Variants in CHD1L observed in about 807,000 individuals in gnomAD.
The protein encoded by CHD1L is ATP-dependent chromatin remodeler CHD1L.
Under a neutral mutation model 115.9 loss-of-function variants are expected in CHD1L, and 118 were observed. That is an observed-to-expected ratio of 1.02 (90% confidence interval 0.88 to 1.19). The LOEUF (loss-of-function observed/expected upper bound fraction) is 1.19, where lower values mean the gene tolerates loss of function less well. Ranked by LOEUF, CHD1L falls within the 50% of genes most tolerant of loss-of-function variation. The pLI is 0.00. For missense variants in CHD1L, 1,179 were observed against 1,065.3 expected (o/e 1.11, Z -1.49); for synonymous variants, 411 against 387.1 (o/e 1.06, Z -0.72).
rs200638814 is a variant in CHD1L, at chr1:147,267,445, G to A, written c.915G>A (p.Thr305=). 12 of 1,611,636 alleles carry A rather than the reference G, an allele frequency of 7.4e-6. No individual in the cohort carries two copies. Among genetic ancestry groups the A allele is most frequent in the East Asian group, 4.5e-5 (2 of 44,782 alleles). The change falls in exon 9 of 23, where the codon ACG becomes ACA. Residue 305 remains threonine (T), a synonymous_variant. Transcript: ENST00000369258. ...MKDLDAFENE[T]AKKVKLQNIL... ...TTTCAGATGCATTTGAAAATGAGAC[G>A]GCAAAGAAAGTTAAACTACAGAACA...
At chr1:147,275,188 C>T (rs374992579) in intron 12 of CHD1L, among the ~76,000 whole-genome samples, 166 bp from the exon 13 acceptor site, 2 of 152,158 alleles carry the variant, frequency 1.3e-5, no homozygotes, top group Admixed American at 6.5e-5. Flanking sequence ...CACTTCTCAC[C>T]GCTGGAACAA....
intron 19 of CHD1L, among the ~76,000 whole-genome samples, chr1:147,289,663 G>C (rs1384141883): frequency 1.3e-5 from 2 of 152,190 alleles, no homozygotes; most frequent in Non-Finnish European, 2.9e-5. Flanking sequence ...GCCTGGAAAG[G>C]TGGGTTGAAT....
chr1:147,182,900 A>G, the CHD1L span, among the ~76,000 whole-genome samples: 5 of 152,208 alleles, frequency 3.3e-5, no homozygotes, highest in African/African-American at 1.2e-4. Context: ...ACAACTAAAC[A>G]TTAAAGATAA....
At position 147,280,039 on chromosome 1, in the gene CHD1L, TCAAA is replaced by T; in HGVS notation, c.1554_1557del (p.Lys519LeufsTer17). 1.2e-6 allele frequency: 2 copies of T among 1,613,946 alleles called. No homozygotes were observed. The highest frequency in any genetic ancestry group is 1.7e-6 in the Non-Finnish European group (2 of 1,180,004). ...CCTCTATTCAAGTTGAGTGAGATAC[TCAAA>T]TTTGGTTTGGATAAACTGCTGGCCT... On this transcript the variant is annotated frameshift_variant, in exon 15 of 23. Transcript: ENST00000369258. LOFTEE classifies it high-confidence loss of function.
chr1:147,275,466 CAAGTA>C lies in CHD1L; in HGVS notation c.1385_1385+4del. The C allele has an allele frequency of 6.2e-7, 1 of 1,612,616 alleles. No individual in the cohort carries two copies. Among genetic ancestry groups the C allele is most frequent in the Non-Finnish European group, 8.5e-7 (1 of 1,178,680 alleles). ...CCAGGGCTCATCGCATTGGCCAAAA[CAAGTA>C]AGTGATTTTTTTCTGCTTCCTTGGC... On this transcript the variant is annotated splice_donor_variant and splice_donor_region_variant and coding_sequence_variant and intron_variant, in exon 13 of 23. Transcript: ENST00000369258. LOFTEE classifies it high-confidence loss of function.
chr1:147,242,468 C>T (rs1180405218), upstream of CHD1L, among the ~76,000 whole-genome samples: 17 of 152,358 alleles, frequency 1.1e-4, no homozygotes, highest in African/African-American at 2.2e-4. Flanking sequence ...ACGCCTAGCG[C>T]TTCAGAAGCA....
chr1:147,194,359 G>A, the CHD1L span, among the ~76,000 whole-genome samples: 1 of 152,098 alleles, frequency 6.6e-6, no homozygotes, highest in East Asian at 1.9e-4. Flanking sequence ...CGATTTGCTT[G>A]GTAGATCTTC....
chr1:147,281,776 T>A (rs1429965895), intron 15 of CHD1L, among the ~76,000 whole-genome samples: 2 of 151,872 alleles, frequency 1.3e-5, no homozygotes, highest in Non-Finnish European at 2.9e-5. Flanking sequence ...CATTGACTTT[T>A]ACTTCTACTT....
At chr1:147,289,789 G>A (rs182972155) in intron 19 of CHD1L, among the ~76,000 whole-genome samples, 264 of 152,360 alleles carry the variant, frequency 1.7e-3, no homozygotes, top group Admixed American at 2.9e-3. Flanking sequence ...TTTGTGTGGA[G>A]GATGGCGTAC....
the CHD1L span, chr1:147,208,955 A>C: frequency 1.5e-5 from 25 of 1,613,808 alleles, no homozygotes; most frequent in Non-Finnish European, 2.1e-5. Flanking sequence ...TTCCATATAA[A>C]ATGTGTAAGT....
At position 147,255,890 on chromosome 1, in the gene CHD1L, A is replaced by G; in HGVS notation, c.425A>G (p.Gln142Arg). The change falls in exon 4 of 23, where the codon CAG becomes CGG. Residue 142 changes from glutamine to arginine, a missense_variant. Coordinates refer to ENST00000369258, the MANE Select transcript of CHD1L (RefSeq NM_004284.6). ...ERACLQQDLK[Q>R]ESRFHVLLTT... ...GCCTGCCTTCAGCAAGACCTGAAAC[A>G]GGAGTCACGTTTTCATGTGCTACTG... 1 of 1,613,888 alleles carries G rather than the reference A, an allele frequency of 6.2e-7. No homozygotes were observed. Among genetic ancestry groups the G allele is most frequent in the East Asian group, 2.2e-5 (1 of 44,880 alleles).
At chr1:147,265,145 T>TA (rs782227826) in intron 7 of CHD1L, among the ~76,000 whole-genome samples, 1 of 152,112 alleles carries the variant, frequency 6.6e-6, no homozygotes, top group Non-Finnish European at 1.5e-5. Context: ...TCAAAACAGG[T>TA]AGGAGGTATG....
intron 9 of CHD1L, among the ~76,000 whole-genome samples, chr1:147,268,162 G>C (rs1330134057): frequency 6.6e-6 from 1 of 152,116 alleles, no homozygotes; most frequent in African/African-American, 2.4e-5. Context: ...TCATCATACA[G>C]ACCTCAGTAA....
the CHD1L span, among the ~76,000 whole-genome samples, chr1:147,219,110 G>A: frequency 1.3e-5 from 2 of 152,162 alleles, no homozygotes; most frequent in Non-Finnish European, 2.9e-5. Context: ...ATGAATTATG[G>A]AAATTGAATT....
Position 147,266,063 on chromosome 1 carries a change from A to G in CHD1L, c.871A>G (p.Lys291Glu). 1 of 1,611,734 alleles carries G rather than the reference A, an allele frequency of 6.2e-7. No individual in the cohort carries two copies. The highest frequency in any genetic ancestry group is 8.5e-7 in the Non-Finnish European group (1 of 1,179,172). Residue 291 changes from lysine to glutamate, a missense_variant, in exon 8 of 23, where the codon AAG becomes GAG. Lys to Glu is a moderately conservative substitution (Grantham distance 56). Coordinates refer to ENST00000369258, the MANE Select transcript of CHD1L (RefSeq NM_004284.6). Reference protein sequence around the residue: ...GMSALQKKYYKAILMKDLDAF... With the variant: ...GMSALQKKYYEAILMKDLDAF... ...GTCAGCATTGCAGAAGAAATACTACAAGGCCATTTTGATGAAAGACCTAGG... is the reference window on the plus strand; with the variant it reads ...GTCAGCATTGCAGAAGAAATACTACGAGGCCATTTTGATGAAAGACCTAGG...
chr1:147,188,708 C>A, the CHD1L span, among the ~76,000 whole-genome samples: 1 of 149,894 alleles, frequency 6.7e-6, no homozygotes, highest in Non-Finnish European at 1.5e-5. Flanking sequence ...ACACATGTAC[C>A]CTAGAACTTA....
At chr1:147,178,193 T>A in the CHD1L span, 26 of 1,612,400 alleles carry the variant, frequency 1.6e-5, 1 homozygote, top group South Asian at 2.6e-4. Flanking sequence ...GCCTCCGACG[T>A]GCTAGGACTC....
intron 20 of CHD1L, among the ~76,000 whole-genome samples, chr1:147,291,803 C>T (rs1488341532): frequency 2.0e-5 from 3 of 152,212 alleles, no homozygotes; most frequent in East Asian, 3.9e-4. Context: ...TTGCAGATGG[C>T]GGTCATCTTG....
At position 147,287,687 on chromosome 1, in the gene CHD1L, A is replaced by G; in HGVS notation, c.2274A>G (p.Arg758=). Residue 758 remains arginine, a synonymous_variant, in exon 19 of 23, where the codon CGA becomes CGG. Coordinates refer to ENST00000369258, the MANE Select transcript of CHD1L (RefSeq NM_004284.6). ...RGGLFTALEK[R]SAEPRKIYEL... The stretch of plus-strand genomic sequence containing the variant: ...GTTTATTTACAGCTCTGGAAAAGCG[A>G]TCCGCTGAGCCAAGAAAAATATATG... 6.2e-7 allele frequency: 1 copy of G among 1,614,094 alleles called. No individual in the cohort carries two copies. Among genetic ancestry groups the G allele is most frequent in the Non-Finnish European group, 8.5e-7 (1 of 1,180,018 alleles).
Sources: allele counts gnomAD v4.1 joint callset (sites outside exome capture counted in the v4.1 genomes callset), GRCh38; gene constraint gnomAD v4.1.1; transcripts MANE v1.5; gene names NCBI Gene and HGNC (gene_info 2026-07-23, HGNC 2026-07-21).